Variants in SV2C observed in about 807,000 individuals in gnomAD.
SV2C encodes the protein solute carrier family 22 member B3.
SV2C carries 49 observed loss-of-function variants against 79.7 expected under a neutral mutation model. The ratio of observed to expected loss-of-function variants is 0.61; its 90% CI spans 0.49 to 0.78. The LOEUF is 0.78. SV2C is among the 30% of genes least tolerant of loss of function. The pLI, the probability that SV2C is intolerant of heterozygous loss-of-function variation, is 0.00. For missense variants in SV2C, 833 were observed against 912.9 expected (o/e 0.91, Z 1.13); for synonymous variants, 334 against 333.2 (o/e 1.00, Z -0.03).
intron 4 of SV2C, chr5:76,242,490 G>C: frequency 2.1e-6 from 1 of 480,384 alleles, no homozygotes; most frequent in Non-Finnish European, 3.9e-6. Context: ...GCCCAGCCCA[G>C]TTTGCACTTT....
the SV2C span, among the ~76,000 whole-genome samples, chr5:75,960,312 A>G: frequency 6.6e-6 from 1 of 151,960 alleles, no homozygotes; most frequent in East Asian, 1.9e-4. Flanking sequence ...TCTGTTTCTA[A>G]TACAGTCATG....
the SV2C span, among the ~76,000 whole-genome samples, chr5:76,012,785 G>C: frequency 6.6e-5 from 10 of 152,252 alleles, no homozygotes; most frequent in Middle Eastern, 3.4e-3. Context: ...TTTTGTATAA[G>C]GTGTAAGGAA....
At chr5:76,265,821 C>T (rs934670476) in intron 4 of SV2C, among the ~76,000 whole-genome samples, 1 of 152,158 alleles carries the variant, frequency 6.6e-6, no homozygotes, top group Non-Finnish European at 1.5e-5. Flanking sequence ...CCAGCCAGTC[C>T]CAGTGAGATG....
chr5:76,223,502 T>G (rs76740299), intron 4 of SV2C, among the ~76,000 whole-genome samples: 1 of 113,976 alleles, frequency 8.8e-6, no homozygotes, highest in Non-Finnish European at 1.8e-5. Context: ...TATATGTATA[T>G]GTATATAAAG....
chr5:76,017,593 A>G, the SV2C span, among the ~76,000 whole-genome samples: 2 of 152,082 alleles, frequency 1.3e-5, no homozygotes, highest in Non-Finnish European at 2.9e-5. Context: ...CTGGTTTTAA[A>G]AACTGGCATT....
intron 2 of SV2C, among the ~76,000 whole-genome samples, chr5:76,149,459 G>C (rs2112225947): frequency 6.6e-6 from 1 of 152,330 alleles, no homozygotes; most frequent in Non-Finnish European, 1.5e-5. Context: ...TGCTGGTTGT[G>C]AATCCCACTT....
chr5:76,075,829 C>A, the SV2C span: 9 of 221,888 alleles, frequency 4.1e-5, no homozygotes, highest in Non-Finnish European at 5.9e-5. Flanking sequence ...GATGAATAAC[C>A]CTAAAGTGGC....
At chr5:76,014,514 C>T in the SV2C span, among the ~76,000 whole-genome samples, 2 of 152,138 alleles carry the variant, frequency 1.3e-5, no homozygotes, top group Non-Finnish European at 2.9e-5. Context: ...TATATCAAAG[C>T]ATTCTTGAAT....
At chr5:75,913,056 G>A in the SV2C span, among the ~76,000 whole-genome samples, 1 of 152,188 alleles carries the variant, frequency 6.6e-6, no homozygotes, top group Non-Finnish European at 1.5e-5. Context: ...TCCATACTAG[G>A]TTTCCCATGA....
intron 8 of SV2C, among the ~76,000 whole-genome samples, chr5:76,293,586 T>G (rs1747632901): frequency 6.6e-6 from 1 of 152,186 alleles, no homozygotes; most frequent in Non-Finnish European, 1.5e-5. Flanking sequence ...GTGCCCCATG[T>G]ATGTGACTAG....
intron 2 of SV2C, among the ~76,000 whole-genome samples, chr5:76,153,097 G>A (rs1471961343): frequency 6.6e-6 from 1 of 152,164 alleles, no homozygotes; most frequent in Non-Finnish European, 1.5e-5. Flanking sequence ...TCCAGCCTGG[G>A]AACGTTGCTT....
the SV2C span, among the ~76,000 whole-genome samples, chr5:75,879,468 A>T: frequency 2.0e-5 from 3 of 152,178 alleles, no homozygotes; most frequent in Non-Finnish European, 4.4e-5. Context: ...GGGCCCCATG[A>T]GAGTCTGAAA....
the SV2C span, among the ~76,000 whole-genome samples, chr5:75,917,004 G>A: frequency 1.3e-5 from 2 of 152,144 alleles, no homozygotes; most frequent in Non-Finnish European, 2.9e-5. Context: ...GTCTCCAAAT[G>A]CTCCCCAGAG....
intron 4 of SV2C, among the ~76,000 whole-genome samples, chr5:76,226,414 G>A (rs543262706): frequency 4.0e-4 from 61 of 152,092 alleles, no homozygotes; most frequent in Non-Finnish European, 7.8e-4. Context: ...CAGCCATACA[G>A]ATATTAAAGC....
chr5:76,336,247 T>C (rs1204689997), downstream of SV2C, among the ~76,000 whole-genome samples: 1 of 138,738 alleles, frequency 7.2e-6, no homozygotes, highest in Non-Finnish European at 1.6e-5. Context: ...TCCTCACTTC[T>C]CATATGGGGC....
At chr5:76,048,339 A>G in the SV2C span, among the ~76,000 whole-genome samples, 1 of 152,190 alleles carries the variant, frequency 6.6e-6, no homozygotes, top group South Asian at 2.1e-4. Flanking sequence ...ACTCAAACGA[A>G]GAGAATGAAT....
At chr5:76,046,652 T>C in the SV2C span, among the ~76,000 whole-genome samples, 1 of 151,998 alleles carries the variant, frequency 6.6e-6, no homozygotes, top group East Asian at 1.9e-4. Context: ...AAATAAGCGC[T>C]ATCATAATAA....
intron 2 of SV2C, chr5:76,174,100 A>G (rs367895477): frequency 1.9e-6 from 3 of 1,591,614 alleles, no homozygotes; most frequent in Non-Finnish European, 2.6e-6. Context: ...ATTTTTCTAC[A>G]AAAATTCCTT....
the SV2C span, among the ~76,000 whole-genome samples, chr5:75,931,427 G>A: frequency 1.3e-5 from 2 of 152,346 alleles, no homozygotes; most frequent in Non-Finnish European, 2.9e-5. Flanking sequence ...AGAATACTAT[G>A]TTTCAAGGTG....
Sources: allele counts gnomAD v4.1 joint callset (sites outside exome capture counted in the v4.1 genomes callset), GRCh38; gene constraint gnomAD v4.1.1; transcripts MANE v1.5; gene names NCBI Gene and HGNC (gene_info 2026-07-23, HGNC 2026-07-21).